The following WWOX variants were observed in gnomAD, a reference collection of about 807,000 sequenced individuals.
The protein encoded by WWOX is WW domain-containing oxidoreductase.
WWOX carries 69 observed loss-of-function variants against 46.2 expected under a neutral mutation model. The ratio of observed to expected loss-of-function variants is 1.49; its 90% CI spans 1.23 to 1.82. WWOX has a LOEUF of 1.82. Ranked by LOEUF, WWOX falls within the 40% of genes most tolerant of loss-of-function variation. WWOX has a pLI of 0.00. For missense variants in WWOX, 919 were observed against 542.6 expected, an observed-to-expected ratio of 1.69 and a Z score of -6.89; for synonymous variants, 359 against 202.6, an observed-to-expected ratio of 1.77 and a Z score of -6.56.
At chr16:79,019,098 C>T (rs2047475661) in intron 8 of WWOX, among the ~76,000 whole-genome samples, 1 of 127,190 alleles carries the variant, frequency 7.9e-6, no homozygotes, top group African/African-American at 3.0e-5. Flanking sequence ...GCAGAGGTTG[C>T]TGTGAGGCAA....
chr16:78,763,531 T>G (rs180835516), intron 8 of WWOX, among the ~76,000 whole-genome samples: 2 of 152,320 alleles, frequency 1.3e-5, no homozygotes, highest in African/African-American at 4.8e-5. Flanking sequence ...ACATAGAGTA[T>G]GAAACTCTGT....
chr16:78,476,434 C>G (rs1048411596), intron 8 of WWOX, among the ~76,000 whole-genome samples: 1 of 152,058 alleles, frequency 6.6e-6, no homozygotes, highest in African/African-American at 2.4e-5. Context: ...GGAAGGGGAA[C>G]ATCACACACC....
intron 8 of WWOX, among the ~76,000 whole-genome samples, chr16:78,987,210 C>A (rs891956312): frequency 1.2e-4 from 18 of 152,148 alleles, no homozygotes; most frequent in Non-Finnish European, 2.5e-4. Context: ...AACCAAAAGA[C>A]GAGTCAGTTT....
At chr16:78,721,928 A>G (rs1473581311) in intron 8 of WWOX, among the ~76,000 whole-genome samples, 1 of 152,260 alleles carries the variant, frequency 6.6e-6, no homozygotes, top group Non-Finnish European at 1.5e-5. Flanking sequence ...CCAACTTTGT[A>G]AATGTGACTT....
chr16:78,982,565 A>G (rs1021984418), intron 8 of WWOX, among the ~76,000 whole-genome samples: 17 of 152,198 alleles, frequency 1.1e-4, no homozygotes, highest in East Asian at 1.9e-4. Flanking sequence ...GGAGTTATCA[A>G]TTACATGGTT....
At chr16:79,037,939 C>A (rs570139308) in intron 8 of WWOX, among the ~76,000 whole-genome samples, 200 of 152,198 alleles carry the variant, frequency 1.3e-3, no homozygotes, top group Admixed American at 4.0e-3. Context: ...CACTCACACT[C>A]GCATTTCTTT....
intron 8 of WWOX, among the ~76,000 whole-genome samples, chr16:79,175,133 A>T (rs1159808098): frequency 6.6e-6 from 1 of 152,178 alleles, no homozygotes; most frequent in Non-Finnish European, 1.5e-5. Context: ...GGGTCTAGCT[A>T]TGACCCCATA....
intron 5 of WWOX, among the ~76,000 whole-genome samples, chr16:78,348,511 G>A (rs4427817): frequency 0.21 from 24,939 of 120,146 alleles, 7,917 homozygotes; most frequent in South Asian, 0.44. Flanking sequence ...AGGCTGGATT[G>A]AGTGCAGTGA....
At chr16:79,144,674 T>C (rs2050151929) in intron 8 of WWOX, among the ~76,000 whole-genome samples, 1 of 152,212 alleles carries the variant, frequency 6.6e-6, no homozygotes. Flanking sequence ...TTCATATCTC[T>C]CTTAGATTCT....
intron 8 of WWOX, among the ~76,000 whole-genome samples, chr16:78,438,763 C>T (rs939437627): frequency 2.0e-5 from 3 of 152,098 alleles, no homozygotes; most frequent in Non-Finnish European, 2.9e-5. Context: ...TTCCTGTGCC[C>T]GTGTAAAGCC....
At chr16:78,590,889 G>T (rs113009645) in intron 8 of WWOX, among the ~76,000 whole-genome samples, 2,518 of 152,300 alleles carry the variant, frequency 0.017, 51 homozygotes, top group East Asian at 0.08. Context: ...GACAACACCA[G>T]CTGCTACAAA....
chr16:78,637,155 T>C (rs753158934), intron 8 of WWOX, among the ~76,000 whole-genome samples: 2 of 152,140 alleles, frequency 1.3e-5, no homozygotes, highest in Non-Finnish European at 1.5e-5. Context: ...TTGAGAAATA[T>C]TCCTGTCTGT....
At chr16:78,425,906 T>C (rs1567566033) in intron 7 of WWOX, among the ~76,000 whole-genome samples, 1 of 149,556 alleles carries the variant, frequency 6.7e-6, no homozygotes, top group Non-Finnish European at 1.5e-5. Flanking sequence ...TCCTGAAATG[T>C]TTTAGTGACC....
At position 78,350,293 on chromosome 16, in the gene WWOX, T is replaced by C. The variant is rs2081161499; in HGVS notation, c.517-36567T>C. On this transcript the variant is annotated intron_variant, in intron 5 of 8. Transcript: ENST00000566780. ...TTTCTCAAGCTACTTTATTGATATA[T>C]AACACAGATACATAAACTTTGCCCA... is the stretch of plus-strand genomic sequence containing the variant. Among the ~76,000 whole-genome samples, 2 of 121,780 alleles carry C rather than the reference T, an allele frequency of 1.6e-5. 1 individual carries two copies. The highest frequency in any genetic ancestry group is 1.6e-4 in the Admixed American group (2 of 12,522). 79.9% of individuals were successfully genotyped at this position (121,780 alleles called of 152,430 possible).
intron 8 of WWOX, among the ~76,000 whole-genome samples, chr16:78,862,144 A>G (rs2043900105): frequency 6.6e-6 from 1 of 151,654 alleles, no homozygotes; most frequent in South Asian, 2.1e-4. Context: ...ATCTATACAC[A>G]CCTATGGGTG....
intron 8 of WWOX, among the ~76,000 whole-genome samples, chr16:78,453,057 A>G (rs1389628078): frequency 1.3e-5 from 2 of 149,524 alleles, no homozygotes; most frequent in African/African-American, 4.9e-5. Context: ...AATTTTTTGT[A>G]TTTTTGTGAA....
intron 2 of WWOX, 42 bp downstream of exon 2, chr16:78,108,529 A>C: frequency 6.2e-7 from 1 of 1,606,832 alleles, no homozygotes; most frequent in East Asian, 2.2e-5. Context: ...GGAAGCATTA[A>C]GTAGATGAGG....
At chr16:78,988,891 G>C (rs1214490166) in intron 8 of WWOX, among the ~76,000 whole-genome samples, 1 of 152,124 alleles carries the variant, frequency 6.6e-6, no homozygotes, top group Non-Finnish European at 1.5e-5. Flanking sequence ...AGCTCTGGTG[G>C]GCAGTCAGGC....
intron 8 of WWOX, among the ~76,000 whole-genome samples, chr16:79,066,749 G>C (rs1342909667): frequency 6.6e-6 from 1 of 152,212 alleles, no homozygotes; most frequent in East Asian, 1.9e-4. Flanking sequence ...TCTACCAGAA[G>C]GACTTTGCTC....
Sources: gnomAD v4.1 joint callset for allele counts (sites outside exome capture counted in the v4.1 genomes callset) on GRCh38, gnomAD v4.1.1 for gene constraint, MANE v1.5 for transcripts, NCBI Gene and HGNC (gene_info 2026-07-23, HGNC 2026-07-21) for gene names.